The following GLG1 variants were observed in gnomAD, a reference collection of about 807,000 sequenced individuals.
GLG1 encodes the protein Golgi apparatus protein 1.
Under a neutral mutation model 160.5 loss-of-function variants are expected in GLG1, and 38 were observed. That is an observed-to-expected ratio of 0.24 (90% CI 0.18 to 0.31). GLG1 has a LOEUF of 0.31. Among genes scored for constraint, GLG1 ranks in the 10% least tolerant of loss-of-function variants. The probability of loss-of-function intolerance (pLI) is 1.00; values close to 1 mark genes in which losing one functional copy is unlikely to be tolerated. For synonymous variants in GLG1, 644 were observed against 543.4 expected (o/e 1.19, Z -2.57); for missense variants, 1,373 against 1,505.2 (o/e 0.91, Z 1.45).
In GLG1 at chr16:74,465,665, C is replaced by G. The variant is rs375706285; in HGVS notation, c.2667+11G>C. The G allele has an allele frequency of 6.2e-7, 1 of 1,612,012 alleles. No individual in the cohort carries two copies. The highest frequency in any genetic ancestry group is 8.5e-7 in the Non-Finnish European group (1 of 1,179,366). On this transcript the variant is annotated intron_variant, in intron 19 of 25. Coordinates refer to ENST00000422840, the MANE Select transcript of GLG1 (RefSeq NM_001145667.2). ...TTCATCCGTGCTCGGCCTTTGGTGTCGGCTTCTCACCTTTATCATCTGCTT... is the reference window on the plus strand; with the variant it reads ...TTCATCCGTGCTCGGCCTTTGGTGTGGGCTTCTCACCTTTATCATCTGCTT...
intron 1 of GLG1, among the ~76,000 whole-genome samples, chr16:74,543,000 T>C (rs2143662984): frequency 6.6e-6 from 1 of 152,158 alleles, no homozygotes; most frequent in South Asian, 2.1e-4. Flanking sequence ...AAATTAAATA[T>C]AATTTCTCAC....
chr16:74,605,666 A>G (rs1958549587), intron 1 of GLG1, among the ~76,000 whole-genome samples: 1 of 152,166 alleles, frequency 6.6e-6, no homozygotes. Context: ...GAAGGGGGGA[A>G]ATGCCAAGAG....
intron 8 of GLG1, among the ~76,000 whole-genome samples, chr16:74,486,372 G>C (rs931603283): frequency 3.3e-5 from 5 of 152,218 alleles, no homozygotes; most frequent in African/African-American, 1.2e-4. Flanking sequence ...ATTAAGTCAA[G>C]TGTGCTGTGC....
rs763296776 is a variant in GLG1 at position 74,606,841 on chromosome 16, GGCTGCTGTTGCTGTTGCTGCT to G, written c.233_253del (p.Gln78_Gln84del). ...CGGGAAAGGCGGCTGCGGCGGCTGA[GGCTGCTGTTGCTGTTGCTGCT>G]GCTGCTGTTGCTGCTGAAGCTGCGA... On this transcript the variant is annotated inframe_deletion, in exon 1 of 26. Coordinates refer to ENST00000422840, the MANE Select transcript of GLG1 (RefSeq NM_001145667.2). The G allele has an allele frequency of 1.0e-5, 16 of 1,599,244 alleles. No homozygotes were observed. Among genetic ancestry groups the G allele is most frequent in the African/African-American group, 1.3e-5 (1 of 74,792 alleles).
intron 2 of GLG1, among the ~76,000 whole-genome samples, chr16:74,522,451 G>A (rs562668192): frequency 6.6e-6 from 1 of 152,138 alleles, no homozygotes; most frequent in East Asian, 1.9e-4. Flanking sequence ...TCATTTTCAC[G>A]TCCCTGATTA....
intron 1 of GLG1, among the ~76,000 whole-genome samples, chr16:74,550,776 G>C (rs1429467450): frequency 6.6e-6 from 1 of 152,020 alleles, no homozygotes; most frequent in Non-Finnish European, 1.5e-5. Flanking sequence ...TTTTTTTAGT[G>C]ATACTATAAA....
At chr16:74,599,302 C>A (rs1326225516) in intron 1 of GLG1, among the ~76,000 whole-genome samples, 1 of 152,200 alleles carries the variant, frequency 6.6e-6, no homozygotes. Flanking sequence ...TCGGTCAATA[C>A]AGCCCCTTTA....
chr16:74,483,932 T>G (rs1458595630), intron 9 of GLG1, among the ~76,000 whole-genome samples: 2 of 152,210 alleles, frequency 1.3e-5, no homozygotes, highest in Non-Finnish European at 2.9e-5. Flanking sequence ...GTGCTGGGAT[T>G]ACAGGCGTGA....
Position 74,604,200 on chromosome 16 carries a change from AT to A in GLG1, c.438+2456del, listed in dbSNP as rs1428065484. Among the ~76,000 whole-genome samples the A allele has an allele frequency of 8.5e-5, 13 of 152,150 alleles. No individual in the cohort carries two copies. The East Asian group carries it at 2.3e-3, about 27-fold the overall frequency. On this transcript the variant is annotated intron_variant, in intron 1 of 25. Coordinates refer to ENST00000422840, the MANE Select transcript of GLG1 (RefSeq NM_001145667.2). ...CGAGACCCTGTCTCCATAATAAAAA[AT>A]TTTTTTTCAGAAAGAAAAGTTCCAT... is the stretch of plus-strand genomic sequence containing the variant.
chr16:74,494,922 C>T (rs1414697932), intron 5 of GLG1, 91 bp from the exon 6 acceptor site: 8 of 671,784 alleles, frequency 1.2e-5, no homozygotes, highest in African/African-American at 5.4e-5. Flanking sequence ...TTCTATTAAA[C>T]GATTATAATC....
At chr16:74,568,153 G>C (rs982808257) in intron 1 of GLG1, among the ~76,000 whole-genome samples, 1 of 152,214 alleles carries the variant, frequency 6.6e-6, no homozygotes, top group Non-Finnish European at 1.5e-5. Flanking sequence ...GACTGTGAAA[G>C]AAGCCAGCCC....
At chr16:74,577,235 T>A (rs199805622) in intron 1 of GLG1, among the ~76,000 whole-genome samples, 9 of 151,752 alleles carry the variant, frequency 5.9e-5, no homozygotes, top group Non-Finnish European at 1.2e-4. Flanking sequence ...AAAATAGACA[T>A]TGAGGACTGG....
At chr16:74,557,951 C>T (rs541185512) in intron 1 of GLG1, among the ~76,000 whole-genome samples, 30 of 152,118 alleles carry the variant, frequency 2.0e-4, no homozygotes, top group African/African-American at 6.0e-4. Context: ...GGAAGACATA[C>T]CACTCATTTG....
chr16:74,559,711 G>A (rs555348307), intron 1 of GLG1, among the ~76,000 whole-genome samples: 2 of 150,822 alleles, frequency 1.3e-5, no homozygotes, highest in South Asian at 2.1e-4. Flanking sequence ...CCGAGATTAC[G>A]TCTTCGTATC....
chr16:74,571,488 C>T (rs979759885), intron 1 of GLG1, among the ~76,000 whole-genome samples: 2 of 152,048 alleles, frequency 1.3e-5, no homozygotes, highest in East Asian at 1.9e-4. Context: ...GACTGGGCAA[C>T]ATTCAGAGAC....
intron 2 of GLG1, among the ~76,000 whole-genome samples, chr16:74,522,385 T>C (rs939300035): frequency 3.3e-5 from 5 of 152,248 alleles, no homozygotes; most frequent in African/African-American, 7.2e-5. Flanking sequence ...TTGTTCCACA[T>C]TCACACAGAT....
intron 17 of GLG1, chr16:74,468,112 A>C (rs2015065206): frequency 3.0e-6 from 1 of 337,384 alleles, no homozygotes; most frequent in African/African-American, 2.1e-5. Flanking sequence ...GAGATGTGAA[A>C]ATCACTTTGG....
intron 9 of GLG1, among the ~76,000 whole-genome samples, 155 bp from the exon 10 acceptor site, chr16:74,483,279 G>C (rs1266919615): frequency 6.6e-6 from 1 of 152,224 alleles, no homozygotes; most frequent in Non-Finnish European, 1.5e-5. Flanking sequence ...AACTGAACCT[G>C]ACAGTGGTTA....
At chr16:74,498,356 C>G (rs1394699364) in intron 4 of GLG1, among the ~76,000 whole-genome samples, 2 of 143,156 alleles carry the variant, frequency 1.4e-5, no homozygotes, top group Non-Finnish European at 3.0e-5. Flanking sequence ...CGCTTGAACC[C>G]AGGAGGTAGA....
Sources: allele counts gnomAD v4.1 joint callset (sites outside exome capture counted in the v4.1 genomes callset), GRCh38; gene constraint gnomAD v4.1.1; transcripts MANE v1.5; gene names NCBI Gene and HGNC (gene_info 2026-07-23, HGNC 2026-07-21).